Variants in PCDHGB5 observed in about 807,000 individuals in gnomAD.
PCDHGB5 encodes the protein protocadherin gamma-B5.
PCDHGB5 carries 48 observed loss-of-function variants against 62.9 expected under a neutral mutation model. That is an observed-to-expected ratio of 0.76 (90% CI 0.61 to 0.97). The LOEUF (loss-of-function observed/expected upper bound fraction) is 0.97, where lower values mean the gene tolerates loss of function less well. Ranked by LOEUF, PCDHGB5 falls within the 50% of genes least tolerant of loss-of-function variation. The pLI is 0.00. For missense variants in PCDHGB5, 1,118 were observed against 1,198.6 expected (o/e 0.93, Z 0.99); for synonymous variants, 474 against 511.2 (o/e 0.93, Z 0.98).
chr5:141,472,852 G>A (rs1354948628), intron 1 of PCDHGB5, among the ~76,000 whole-genome samples: 1 of 151,160 alleles, frequency 6.6e-6, no homozygotes, highest in African/African-American at 2.4e-5. Flanking sequence ...TGGGCATGGT[G>A]GCACATGCCT....
intron 2 of PCDHGB5, among the ~76,000 whole-genome samples, chr5:141,504,794 A>G (rs2099841154): frequency 6.6e-6 from 1 of 151,718 alleles, no homozygotes; most frequent in African/African-American, 2.4e-5. Flanking sequence ...GGCCTCCTAC[A>G]TCTCCCCCTA....
At chr5:141,468,836 A>G (rs1286137807) in intron 1 of PCDHGB5, among the ~76,000 whole-genome samples, 1 of 152,170 alleles carries the variant, frequency 6.6e-6, no homozygotes, top group East Asian at 1.9e-4. Flanking sequence ...ACTGCACTCC[A>G]GCCTGGGCAA....
intron 1 of PCDHGB5, chr5:141,412,884 G>A: frequency 3.2e-6 from 1 of 311,540 alleles, no homozygotes. Flanking sequence ...TAATCCAACA[G>A]AATAGTTTAC....
At chr5:141,414,098 C>A in intron 1 of PCDHGB5, 1 of 1,594,212 alleles carries the variant, frequency 6.3e-7, no homozygotes, top group Non-Finnish European at 8.5e-7. Flanking sequence ...ATAAAAATAT[C>A]AGAAAATCTA....
chr5:141,418,150 A>C (rs1377300460), intron 1 of PCDHGB5: 2 of 1,614,112 alleles, frequency 1.2e-6, no homozygotes, highest in Non-Finnish European at 8.5e-7. Context: ...AAATATGCAA[A>C]GAGAGAAGAA....
At chr5:141,467,747 C>T (rs56743829) in intron 1 of PCDHGB5, among the ~76,000 whole-genome samples, 7,097 of 152,110 alleles carry the variant, frequency 0.047, 213 homozygotes, top group Middle Eastern at 0.092. Context: ...CTGCAACCTC[C>T]GCCTCACATG....
rs1018097924 is a variant in PCDHGB5 at position 141,413,435 on chromosome 5, G to C, written c.2397+12911G>C. Reference sequence around the variant, plus strand: ...TTCTCTCTGAACCCGCGCAGCGGCAGCTTGATCACCGCGGGCAGGATAGAC... The same window carrying C: ...TTCTCTCTGAACCCGCGCAGCGGCACCTTGATCACCGCGGGCAGGATAGAC... On this transcript the variant is annotated intron_variant, in intron 1 of 3. Transcript: ENST00000617380. The C allele has an allele frequency of 6.2e-6, 10 of 1,614,004 alleles. No homozygotes were observed. The Admixed American group carries it at 1.7e-4, about 27-fold the overall frequency.
intron 1 of PCDHGB5, among the ~76,000 whole-genome samples, chr5:141,470,737 G>A (rs117064561): frequency 6.6e-6 from 1 of 152,016 alleles, no homozygotes; most frequent in African/African-American, 2.4e-5. Flanking sequence ...TTGCTCTGTC[G>A]CCCTGGCTGG....
At chr5:141,507,724 G>A (rs2099862962) in intron 3 of PCDHGB5, among the ~76,000 whole-genome samples, 1 of 152,256 alleles carries the variant, frequency 6.6e-6, no homozygotes. Context: ...CTCCAAGCAA[G>A]TCATGCAGCT....
Position 141,491,699 on chromosome 5 carries a change from A to G in PCDHGB5, c.2398-3108A>G. The G allele has an allele frequency of 6.2e-7, 1 of 1,612,008 alleles. No individual in the cohort carries two copies. The highest frequency in any genetic ancestry group is 1.1e-5 in the South Asian group (1 of 90,926). ...TCTAATACGCTGCGGGAGCGGAGCC[A>G]GGTGAGGGGCTCGGCGCCGCCCCGG... On this transcript the variant is annotated intron_variant, in intron 1 of 3. Transcript: ENST00000617380. The surrounding 1 kb of genome is among the most constrained non-coding windows in gnomAD (Gnocchi z 6.9).
Position 141,502,866 on chromosome 5 carries a change from C to CTTTTTTTTTTTTTT in PCDHGB5, c.2457-2526_2457-2513dup, listed in dbSNP as rs549047197. Among the ~76,000 whole-genome samples the CTTTTTTTTTTTTTT allele has an allele frequency of 1.6e-4, 20 of 128,024 alleles. 4 individuals are homozygous for CTTTTTTTTTTTTTT. The highest frequency in any genetic ancestry group is 2.6e-4 in the Admixed American group (3 of 11,660). 84.0% of individuals were successfully genotyped at this position (128,024 alleles called of 152,430 possible). A position where few individuals can be genotyped will look rare whatever the true frequency, so the allele number is the denominator to read the frequency against. The stretch of plus-strand genomic sequence containing the variant: ...GAGCTGCCTAACCCTGACTCTCTGT[C>CTTTTTTTTTTTTTT]TTTTTTTTTTTTTTGACAGGGAGTC... On this transcript the variant is annotated intron_variant, in intron 2 of 3. Transcript: ENST00000617380.
chr5:141,477,180 C>T lies in PCDHGB5; in HGVS notation c.2398-17627C>T. On this transcript the variant is annotated intron_variant, in intron 1 of 3. Coordinates refer to ENST00000617380, the MANE Select transcript of PCDHGB5 (RefSeq NM_018925.3). This position sits in a 1 kb window ranked among gnomAD's most constrained non-coding sequence, Gnocchi z 4.9. ...GACAACGCCCCGGAGATCACAGTCA[C>T]CTCCGTGTACAGCCCAGTACCCGAG... 1 of 1,614,196 alleles carries T rather than the reference C, an allele frequency of 6.2e-7. No homozygotes were observed. The highest frequency in any genetic ancestry group is 8.5e-7 in the Non-Finnish European group (1 of 1,180,032).
intron 1 of PCDHGB5, among the ~76,000 whole-genome samples, chr5:141,435,232 G>A (rs1317217213): frequency 6.6e-6 from 1 of 152,062 alleles, no homozygotes; most frequent in Non-Finnish European, 1.5e-5. Context: ...TCAAAGTTCA[G>A]TAATTCTTTC....
At chr5:141,444,059 T>C (rs2098415588) in intron 1 of PCDHGB5, among the ~76,000 whole-genome samples, 1 of 150,620 alleles carries the variant, frequency 6.6e-6, no homozygotes, top group Admixed American at 6.6e-5. Flanking sequence ...ATCTTCAATC[T>C]AGATTCTGAT....
intron 1 of PCDHGB5, among the ~76,000 whole-genome samples, chr5:141,472,131 A>C (rs565506002): frequency 6.6e-6 from 1 of 152,264 alleles, no homozygotes; most frequent in Non-Finnish European, 1.5e-5. Flanking sequence ...AGAGAAGTTA[A>C]AAATAAAAGT....
intron 1 of PCDHGB5, chr5:141,418,608 G>A (rs1265400499): frequency 6.2e-7 from 1 of 1,614,040 alleles, no homozygotes; most frequent in Admixed American, 1.7e-5. Flanking sequence ...TACAGGGTTA[G>A]CCTTCGGGAA....
intron 1 of PCDHGB5, chr5:141,415,661 T>C: frequency 6.3e-7 from 1 of 1,582,308 alleles, no homozygotes; most frequent in East Asian, 2.3e-5. Flanking sequence ...AAGATTGGTT[T>C]TTACTTTGAA....
chr5:141,446,821 T>G (rs183143971), intron 1 of PCDHGB5, among the ~76,000 whole-genome samples: 2 of 152,184 alleles, frequency 1.3e-5, no homozygotes, highest in South Asian at 4.1e-4. Context: ...GTCAGATGGG[T>G]AGATCCTTAT....
rs1245735294 is a variant in PCDHGB5, at chr5:141,397,953, C to T, written c.-175C>T. 6.2e-6 allele frequency: 6 copies of T among 961,992 alleles called. No homozygotes were observed. In the Admixed American group the frequency reaches 1.2e-4, roughly 19 times the overall value. The allele number at this position is 961,992 out of a possible 1,614,324, so 59.6% of individuals were successfully genotyped here. ...CCGCAGCGCGCTTTCCAGGGCAGCC[C>T]CAGCTCAGACTCCCCAGCGCCGGCC... On this transcript the variant is annotated 5_prime_UTR_variant, in exon 1 of 4. Transcript: ENST00000617380.
Sources: gnomAD v4.1 joint callset for allele counts (sites outside exome capture counted in the v4.1 genomes callset) on GRCh38, gnomAD v4.1.1 for gene constraint, Gnocchi (gnomAD v3.1) non-coding constraint, MANE v1.5 for transcripts, NCBI Gene and HGNC (gene_info 2026-07-23, HGNC 2026-07-21) for gene names.